Variants in GALNTL5 observed in about 807,000 individuals in gnomAD.
GALNTL5 encodes polypeptide N-acetylgalactosaminyltransferase like 5, also known as inactive polypeptide N-acetylgalactosaminyltransferase-like protein 5.
A neutral mutation model predicts 51.0 loss-of-function variants in GALNTL5; 44 were observed. That is an observed-to-expected ratio of 0.86 (90% CI 0.68 to 1.11). The LOEUF is 1.11. GALNTL5 is among the 50% of genes least tolerant of loss of function. GALNTL5 has a pLI of 0.00. For missense variants in GALNTL5, 528 were observed against 531.8 expected (o/e 0.99, Z 0.07); for synonymous variants, 192 against 182.8 (o/e 1.05, Z -0.41).
In GALNTL5 at chr7:151,967,639, C is replaced by A. The variant is rs2081076701; in HGVS notation, c.247+146C>A. 6 of 520,754 alleles carry A rather than the reference C, an allele frequency of 1.2e-5. No individual in the cohort carries two copies. In the South Asian group the frequency reaches 1.9e-4, roughly 16 times the overall value. The allele number at this position is 520,754 out of a possible 1,614,324, so 32.3% of individuals were successfully genotyped here. A position where few individuals can be genotyped will look rare whatever the true frequency, so the allele number is the denominator to read the frequency against. Reference sequence around the variant, plus strand: ...ATTTTATATAGTGTATATATCTATACATAGAAAATAATAAAACAAGTATGC... The same window carrying A: ...ATTTTATATAGTGTATATATCTATAAATAGAAAATAATAAAACAAGTATGC... On this transcript the variant is annotated intron_variant, in intron 2 of 8. Transcript: ENST00000392800.
At chr7:151,982,842 T>G in intron 3 of GALNTL5, 144 bp from the exon 4 acceptor site, 1 of 1,543,192 alleles carries the variant, frequency 6.5e-7, no homozygotes, top group Non-Finnish European at 8.7e-7. Context: ...TGTTTTTAGA[T>G]GTACTGTCAC....
intron 5 of GALNTL5, 73 bp from the exon 6 acceptor site, chr7:152,002,641 A>C: frequency 6.6e-7 from 1 of 1,521,130 alleles, no homozygotes; most frequent in South Asian, 1.2e-5. Context: ...TATTCATCAC[A>C]TTGAACTTTG....
At chr7:152,000,654 C>T (rs2081564003) in intron 5 of GALNTL5, among the ~76,000 whole-genome samples, 1 of 152,148 alleles carries the variant, frequency 6.6e-6, no homozygotes, top group South Asian at 2.1e-4. Context: ...TTTTTATTAA[C>T]GTTTTTCTGA....
At chr7:152,018,544 G>C (rs755788408) in intron 8 of GALNTL5, among the ~76,000 whole-genome samples, 1 of 152,010 alleles carries the variant, frequency 6.6e-6, no homozygotes, top group Non-Finnish European at 1.5e-5. Context: ...GACTTTCACA[G>C]AGCAAAAAGT....
intron 8 of GALNTL5, among the ~76,000 whole-genome samples, chr7:152,015,572 C>G (rs1308832818): frequency 6.6e-6 from 1 of 152,000 alleles, no homozygotes; most frequent in African/African-American, 2.4e-5. Context: ...GTTGGCCAGG[C>G]TGGTCTCAAT....
chr7:151,980,900 T>G (rs534889569), intron 3 of GALNTL5, among the ~76,000 whole-genome samples: 1 of 150,060 alleles, frequency 6.7e-6, no homozygotes, highest in African/African-American at 2.5e-5. Flanking sequence ...CACCCGCCAC[T>G]GCGCCCGGCT....
intron 7 of GALNTL5, among the ~76,000 whole-genome samples, chr7:152,012,765 A>T (rs574530052): frequency 6.6e-6 from 1 of 152,264 alleles, no homozygotes; most frequent in Non-Finnish European, 1.5e-5. Flanking sequence ...TCAGAAGTTC[A>T]TGACCAACCT....
At chr7:151,974,717 CT>C (rs2081186936) in intron 3 of GALNTL5, among the ~76,000 whole-genome samples, 1 of 152,154 alleles carries the variant, frequency 6.6e-6, no homozygotes, top group African/African-American at 2.4e-5. Flanking sequence ...TTTAACATAT[CT>C]TTTAGGTTAT....
At chr7:151,961,124 C>T (rs979942736) in intron 1 of GALNTL5, among the ~76,000 whole-genome samples, 5 of 152,076 alleles carry the variant, frequency 3.3e-5, no homozygotes, top group Admixed American at 6.5e-5. Context: ...GCCAGGAGTT[C>T]GAGGCTGCAG....
At chr7:151,962,042 G>T (rs2080998009) in intron 1 of GALNTL5, among the ~76,000 whole-genome samples, 1 of 136,248 alleles carries the variant, frequency 7.3e-6, no homozygotes, top group Non-Finnish European at 1.5e-5. Context: ...TCGCTCTGTT[G>T]CCCAGGCTGG....
chr7:151,998,353 CA>C (rs1470760306), intron 5 of GALNTL5, among the ~76,000 whole-genome samples: 1 of 151,130 alleles, frequency 6.6e-6, no homozygotes. Flanking sequence ...ATTTTTTTAA[CA>C]AAAAAATGTA....
At chr7:151,993,806 G>A (rs952307040) in intron 5 of GALNTL5, among the ~76,000 whole-genome samples, 1 of 151,940 alleles carries the variant, frequency 6.6e-6, no homozygotes. Flanking sequence ...TTTTGGTAGA[G>A]ATGTGGTCTC....
intron 3 of GALNTL5, among the ~76,000 whole-genome samples, chr7:151,980,769 G>A (rs557490841): frequency 1.1e-5 from 1 of 93,208 alleles, no homozygotes; most frequent in Admixed American, 1.5e-4. Context: ...TTTTTGAGAT[G>A]GAGTCTCGCT....
In GALNTL5 at chr7:151,967,240, A is replaced by G. The variant is rs1392839969; in HGVS notation, c.-7A>G. On this transcript the variant is annotated 5_prime_UTR_variant, in exon 2 of 9. Coordinates refer to ENST00000392800, the MANE Select transcript of GALNTL5 (RefSeq NM_145292.4). Reference sequence around the variant, plus strand: ...AAAAATGGACCTTTGAAAATGCTAGATTTACAATGAGAAATGCCATAATTC... The same window carrying G: ...AAAAATGGACCTTTGAAAATGCTAGGTTTACAATGAGAAATGCCATAATTC... The G allele has an allele frequency of 6.2e-7, 1 of 1,607,094 alleles. No individual in the cohort carries two copies. The highest frequency in any genetic ancestry group is 8.5e-7 in the Non-Finnish European group (1 of 1,176,956).
At chr7:151,994,251 CCTTAA>C (rs2081464476) in intron 5 of GALNTL5, among the ~76,000 whole-genome samples, 1 of 152,202 alleles carries the variant, frequency 6.6e-6, no homozygotes, top group African/African-American at 2.4e-5. Context: ...AGCGGCCCTT[CCTTAA>C]CTTATCTCTT....
At chr7:152,010,542 T>C (rs990378530) in intron 7 of GALNTL5, among the ~76,000 whole-genome samples, 4 of 151,900 alleles carry the variant, frequency 2.6e-5, no homozygotes, top group Non-Finnish European at 4.4e-5. Flanking sequence ...CCAAAGTAGG[T>C]GGATCACCTG....
Position 151,994,231 on chromosome 7 carries a change from G to A in GALNTL5, c.658+6950G>A, listed in dbSNP as rs776067386. Among the ~76,000 whole-genome samples the A allele has an allele frequency of 2.0e-4, 30 of 152,200 alleles. 1 individual carries two copies. The highest frequency in any genetic ancestry group is 2.2e-4 in the Non-Finnish European group (15 of 68,036). ...GGGATCCTGTTGTGTGGGCAGGTGAGGCAGCAGCCAGCGGCCCTTCCTTAA... is the reference window on the plus strand; with the variant it reads ...GGGATCCTGTTGTGTGGGCAGGTGAAGCAGCAGCCAGCGGCCCTTCCTTAA... On this transcript the variant is annotated intron_variant, in intron 5 of 8. Coordinates refer to ENST00000392800, the MANE Select transcript of GALNTL5 (RefSeq NM_145292.4).
At chr7:151,976,692 G>A (rs1175577329) in intron 3 of GALNTL5, among the ~76,000 whole-genome samples, 1 of 151,830 alleles carries the variant, frequency 6.6e-6, no homozygotes, top group Non-Finnish European at 1.5e-5. Context: ...TTTTTGAGAT[G>A]GAATCTCGCT....
chr7:151,979,023 T>G (rs1255681223), intron 3 of GALNTL5, among the ~76,000 whole-genome samples: 1 of 151,826 alleles, frequency 6.6e-6, no homozygotes, highest in Non-Finnish European at 1.5e-5. Context: ...TATTAATGTA[T>G]AAGGTCAGCA....
Sources: allele counts gnomAD v4.1 joint callset (sites outside exome capture counted in the v4.1 genomes callset), GRCh38; gene constraint gnomAD v4.1.1; transcripts MANE v1.5; gene names NCBI Gene and HGNC (gene_info 2026-07-23, HGNC 2026-07-21).